PCDHGA2: variants seen among roughly 807,000 people sequenced by gnomAD.
The protein encoded by PCDHGA2 is protocadherin gamma subfamily A, 2, also known as protocadherin gamma-A2.
Under a neutral mutation model 59.2 loss-of-function variants are expected in PCDHGA2, and 40 were observed. That is an observed-to-expected ratio of 0.68 (90% CI 0.52 to 0.88). PCDHGA2 has a LOEUF of 0.88. Ranked by LOEUF, PCDHGA2 falls within the 40% of genes least tolerant of loss-of-function variation. The pLI, the probability that PCDHGA2 is intolerant of heterozygous loss-of-function variation, is 0.00. For synonymous variants in PCDHGA2, 560 were observed against 526.0 expected (o/e 1.06, Z -0.89); for missense variants, 1,226 against 1,204.0 (o/e 1.02, Z -0.27).
At chr5:141,420,824 C>T (rs1282369085) in intron 1 of PCDHGA2, among the ~76,000 whole-genome samples, 1 of 152,216 alleles carries the variant, frequency 6.6e-6, no homozygotes, top group Admixed American at 6.5e-5. Context: ...TTAATAATTA[C>T]TCCTTTCGCA....
At chr5:141,410,697 T>G in intron 1 of PCDHGA2, 1 of 1,489,152 alleles carries the variant, frequency 6.7e-7, no homozygotes, top group Non-Finnish European at 9.0e-7. Context: ...TACTTTATTT[T>G]CATATCTAGA....
intron 1 of PCDHGA2, among the ~76,000 whole-genome samples, chr5:141,460,793 A>T (rs954317795): frequency 2.0e-4 from 30 of 152,024 alleles, no homozygotes; most frequent in Non-Finnish European, 2.9e-5. Flanking sequence ...TATACACACA[A>T]AGTATATATA....
At position 141,431,321 on chromosome 5, in the gene PCDHGA2, G is replaced by T. The variant is rs112186927; in HGVS notation, c.2425-63486G>T. 1,258 of 1,614,054 alleles carry T rather than the reference G, an allele frequency of 7.8e-4. 11 individuals are homozygous for T. In the African/African-American group the frequency reaches 0.014, roughly 18 times the overall value. Reference sequence around the variant, plus strand: ...CCTCATCGTGCAAAATGGAGCCGACGGTAGTAAGTACCCCGAATTGGTGCT... The same window carrying T: ...CCTCATCGTGCAAAATGGAGCCGACTGTAGTAAGTACCCCGAATTGGTGCT... On this transcript the variant is annotated intron_variant, in intron 1 of 3. Transcript: ENST00000394576. This position sits in a 1 kb window ranked among gnomAD's most constrained non-coding sequence, Gnocchi z 4.8.
chr5:141,412,170 A>G (rs1015665615), intron 1 of PCDHGA2: 2 of 152,230 alleles, frequency 1.3e-5, no homozygotes, highest in Non-Finnish European at 1.5e-5. Context: ...GATTATTTAT[A>G]CTGGTATTAA....
At position 141,414,245 on chromosome 5, in the gene PCDHGA2, T is replaced by G. The variant is rs760119941; in HGVS notation, c.2424+72850T>G. On this transcript the variant is annotated intron_variant, in intron 1 of 3. Transcript: ENST00000394576. ...CCAGAGCTGACCATCACGTCTCTAT[T>G]TAGTCCAGTGACTGAAGATTCACCT... 49 of 1,613,380 alleles carry G rather than the reference T, an allele frequency of 3.0e-5. 1 individual carries two copies. The highest frequency in any genetic ancestry group is 1.3e-4 in the South Asian group (12 of 90,978).
At chr5:141,393,845 AC>A in intron 1 of PCDHGA2, 1 of 1,613,966 alleles carries the variant, frequency 6.2e-7, no homozygotes, top group South Asian at 1.1e-5. Flanking sequence ...ATGACAATAG[AC>A]CAGAAGTGAT....
Position 141,512,554 on chromosome 5 carries a change from T to TAG in PCDHGA2, c.*1383_*1384dup, listed in dbSNP as rs2099884300. ...AAGTTCCCCAGTGCCTCCTTGTGCA[T>TAG]AGACCTTCTTCTCCCACCCCCTTCT... is the stretch of plus-strand genomic sequence containing the variant. On this transcript the variant is annotated 3_prime_UTR_variant, in exon 4 of 4. Coordinates refer to ENST00000394576, the MANE Select transcript of PCDHGA2 (RefSeq NM_018915.4). 6.5e-6 allele frequency: 1 copy of TAG among 153,012 alleles called. No homozygotes were observed. Among genetic ancestry groups the TAG allele is most frequent in the Non-Finnish European group, 1.5e-5 (1 of 68,482 alleles). 9.5% of individuals were successfully genotyped at this position (153,012 alleles called of 1,614,324 possible).
chr5:141,419,274 C>T lies in PCDHGA2; in HGVS notation c.2425-75533C>T, dbSNP rs755798236. 17 of 1,613,900 alleles carry T rather than the reference C, an allele frequency of 1.1e-5. No homozygotes were observed. Among genetic ancestry groups the T allele is most frequent in the African/African-American group, 1.3e-5 (1 of 74,948 alleles). ...AACAACCAGCCGGGTGCCTCCATAG[C>T]GCAAGTCAGTGCCTCTGACCCAGAC... is the stretch of plus-strand genomic sequence containing the variant. On this transcript the variant is annotated intron_variant, in intron 1 of 3. Transcript: ENST00000394576.
rs558730748 is a variant in PCDHGA2, at chr5:141,469,995, G to A, written c.2425-24812G>A. Reference sequence around the variant, plus strand: ...AAAATACAAAAATTAGCTGGTCGTCGTGGCACGCCTGTAATCCCAGCTACT... The same window carrying A: ...AAAATACAAAAATTAGCTGGTCGTCATGGCACGCCTGTAATCCCAGCTACT... On this transcript the variant is annotated intron_variant, in intron 1 of 3. Coordinates refer to ENST00000394576, the MANE Select transcript of PCDHGA2 (RefSeq NM_018915.4). Among the ~76,000 whole-genome samples, 8 of 152,194 alleles carry A rather than the reference G, an allele frequency of 5.3e-5. No homozygotes were observed. In the East Asian group the frequency reaches 5.8e-4, roughly 11 times the overall value.
Position 141,489,075 on chromosome 5 carries a change from C to A in PCDHGA2, c.2425-5732C>A. The A allele has an allele frequency of 3.1e-6, 1 of 324,814 alleles. No individual in the cohort carries two copies. The highest frequency in any genetic ancestry group is 5.5e-6 in the Non-Finnish European group (1 of 180,380). The allele number at this position is 324,814 out of a possible 1,614,324, so 20.1% of individuals were successfully genotyped here. A position where few individuals can be genotyped will look rare whatever the true frequency, so the allele number is the denominator to read the frequency against. ...TCAGCTCCCCTCCCCCCTGCCCACCCCCGCCACTCGGTGACTAAGAACTGC... is the reference window on the plus strand; with the variant it reads ...TCAGCTCCCCTCCCCCCTGCCCACCACCGCCACTCGGTGACTAAGAACTGC... On this transcript the variant is annotated intron_variant, in intron 1 of 3. Coordinates refer to ENST00000394576, the MANE Select transcript of PCDHGA2 (RefSeq NM_018915.4). The surrounding 1 kb of genome is among the most constrained non-coding windows in gnomAD (Gnocchi z 4.5).
intron 1 of PCDHGA2, chr5:141,393,568 T>G (rs549396721): frequency 1.2e-6 from 2 of 1,613,904 alleles, no homozygotes; most frequent in African/African-American, 2.7e-5. Context: ...GTGAAAGTCC[T>G]TGAGAACATG....
intron 1 of PCDHGA2, among the ~76,000 whole-genome samples, chr5:141,400,876 T>G (rs1304937244): frequency 6.6e-6 from 1 of 152,230 alleles, no homozygotes; most frequent in East Asian, 1.9e-4. Flanking sequence ...ACCATTAAAT[T>G]TAATGTATGT....
At chr5:141,419,182 C>T in intron 1 of PCDHGA2, 2 of 1,613,986 alleles carry the variant, frequency 1.2e-6, no homozygotes, top group Non-Finnish European at 1.7e-6. Context: ...TAACCCTGCA[C>T]ATTACTGACG....
At chr5:141,347,137 C>T (rs56115657) in intron 1 of PCDHGA2, among the ~76,000 whole-genome samples, 55 of 113,724 alleles carry the variant, frequency 4.8e-4, no homozygotes, top group South Asian at 1.6e-3. Context: ...CTCTGTTTCT[C>T]TCTTTCTTTC....
At chr5:141,352,001 G>C in intron 1 of PCDHGA2, 2 of 1,610,646 alleles carry the variant, frequency 1.2e-6, no homozygotes, top group East Asian at 2.2e-5. Flanking sequence ...CGCAGAGCCC[G>C]GCTACCTGGT....
In PCDHGA2 at chr5:141,461,830, C is replaced by CT. The variant is rs1030113508; in HGVS notation, c.2425-32967dup. On this transcript the variant is annotated intron_variant, in intron 1 of 3. Transcript: ENST00000394576. Reference sequence around the variant, plus strand: ...CACCACACCCAGCTAATTTTTTTTTCTTTTTTTTTTGAGACAGAGTTTTGC... The same window carrying CT: ...CACCACACCCAGCTAATTTTTTTTTCTTTTTTTTTTTGAGACAGAGTTTTGC... Among the ~76,000 whole-genome samples, 192 of 145,246 alleles carry CT rather than the reference C, an allele frequency of 1.3e-3. 1 individual carries two copies. In the Middle Eastern group the frequency reaches 0.022, roughly 16 times the overall value.
At position 141,370,693 on chromosome 5, in the gene PCDHGA2, C is replaced by G. The variant is rs762773164; in HGVS notation, c.2424+29298C>G. On this transcript the variant is annotated intron_variant, in intron 1 of 3. Coordinates refer to ENST00000394576, the MANE Select transcript of PCDHGA2 (RefSeq NM_018915.4). ...CGAGAGGAGATTTGTGGCAAGAAGT[C>G]GACGTGTGTTCTGGAATTTGAAATG... 28 of 1,613,754 alleles carry G rather than the reference C, an allele frequency of 1.7e-5. No individual in the cohort carries two copies. In the East Asian group the frequency reaches 3.8e-4, roughly 22 times the overall value.
rs368800698 is a variant in PCDHGA2, at chr5:141,405,118, G to A, written c.2424+63723G>A. The A allele has an allele frequency of 1.1e-5, 18 of 1,613,946 alleles. No homozygotes were observed. The East Asian group carries it at 1.8e-4, about 16-fold the overall frequency. ...TCAGGCTGAGGCACTGGCACTCCTCGCATCTGCTGCGGGCTACCAGTGATG... is the reference window on the plus strand; with the variant it reads ...TCAGGCTGAGGCACTGGCACTCCTCACATCTGCTGCGGGCTACCAGTGATG... On this transcript the variant is annotated intron_variant, in intron 1 of 3. Transcript: ENST00000394576.
In PCDHGA2 at chr5:141,384,503, A is replaced by T. The variant is rs761415530; in HGVS notation, c.2424+43108A>T. On this transcript the variant is annotated intron_variant, in intron 1 of 3. Coordinates refer to ENST00000394576, the MANE Select transcript of PCDHGA2 (RefSeq NM_018915.4). ...GAACTACAACTAAGAGTGACTGCACATGACAGCGGGGACCCGCCTCTCAGC... is the reference window on the plus strand; with the variant it reads ...GAACTACAACTAAGAGTGACTGCACTTGACAGCGGGGACCCGCCTCTCAGC... 155 of 1,614,074 alleles carry T rather than the reference A, an allele frequency of 9.6e-5. No individual in the cohort carries two copies. Among genetic ancestry groups the T allele is most frequent in the Non-Finnish European group, 1.3e-4 (153 of 1,180,026 alleles).
Sources: gnomAD v4.1 joint callset for allele counts (sites outside exome capture counted in the v4.1 genomes callset) on GRCh38, gnomAD v4.1.1 for gene constraint, Gnocchi (gnomAD v3.1) non-coding constraint, MANE v1.5 for transcripts, NCBI Gene and HGNC (gene_info 2026-07-23, HGNC 2026-07-21) for gene names.